HDAC4: variants seen among roughly 807,000 people sequenced by gnomAD.
HDAC4 encodes the protein histone deacetylase A.
Under a neutral mutation model 135.1 loss-of-function variants are expected in HDAC4, and 16 were observed. The observed-to-expected ratio is 0.12, with a 90% CI of 0.08 to 0.18. HDAC4 has a LOEUF of 0.18. HDAC4 is among the 10% of genes least tolerant of loss of function. The pLI, the probability that HDAC4 is intolerant of heterozygous loss-of-function variation, is 1.00. For synonymous variants in HDAC4, 685 were observed against 653.4 expected (o/e 1.05, Z -0.74); for missense variants, 1,143 against 1,511.8 (o/e 0.76, Z 4.05).
intron 2 of HDAC4, among the ~76,000 whole-genome samples, chr2:239,292,520 T>C (rs772100496): frequency 6.6e-5 from 10 of 152,178 alleles, no homozygotes; most frequent in South Asian, 4.1e-4. Context: ...AGTACCCCTG[T>C]GGGCATACTT....
At chr2:239,208,306 G>T in intron 3 of HDAC4, among the ~76,000 whole-genome samples, 1 of 123,900 alleles carries the variant, frequency 8.1e-6, no homozygotes, top group Middle Eastern at 6.9e-3. Context: ...CAGCCTGGGG[G>T]ACAGAGCGAG....
At chr2:239,229,483 ACT>A (rs1168629703) in intron 3 of HDAC4, among the ~76,000 whole-genome samples, 2 of 152,320 alleles carry the variant, frequency 1.3e-5, no homozygotes, top group East Asian at 1.9e-4. Flanking sequence ...AAAAGGCCAA[ACT>A]CTGTAAAATA....
At chr2:239,108,911 G>A (rs980357582) in intron 14 of HDAC4, among the ~76,000 whole-genome samples, 3 of 152,350 alleles carry the variant, frequency 2.0e-5, no homozygotes, top group African/African-American at 7.2e-5. Context: ...CAACTGGGCC[G>A]GCAGCCTGGG....
At chr2:239,354,060 C>T (rs1693334743) in intron 1 of HDAC4, among the ~76,000 whole-genome samples, 1 of 152,194 alleles carries the variant, frequency 6.6e-6, no homozygotes, top group Admixed American at 6.5e-5. Flanking sequence ...AAAAAGTCAT[C>T]CATGATGCCA....
chr2:239,323,677 G>C (rs936174631), intron 2 of HDAC4, among the ~76,000 whole-genome samples: 2 of 152,022 alleles, frequency 1.3e-5, no homozygotes, highest in African/African-American at 4.8e-5. Context: ...TGTGGACATG[G>C]GAGAGGTAAT....
intron 16 of HDAC4, among the ~76,000 whole-genome samples, chr2:239,100,930 C>G (rs2037557427): frequency 6.6e-6 from 1 of 152,164 alleles, no homozygotes; most frequent in Non-Finnish European, 1.5e-5. Flanking sequence ...AGAGCAGCAG[C>G]AGGCGAAGCC....
At chr2:239,160,638 G>A (rs1294402650) in intron 6 of HDAC4, among the ~76,000 whole-genome samples, 1 of 152,254 alleles carries the variant, frequency 6.6e-6, no homozygotes, top group Non-Finnish European at 1.5e-5. Context: ...GCAGGCGCCA[G>A]CGGTCCGTTC....
At chr2:239,316,199 TG>T (rs1249766456) in intron 2 of HDAC4, among the ~76,000 whole-genome samples, 3 of 152,156 alleles carry the variant, frequency 2.0e-5, no homozygotes, top group African/African-American at 4.8e-5. Context: ...CTGGCGGAAA[TG>T]CAAACTGATA....
At chr2:239,325,135 C>T (rs2053432669) in intron 2 of HDAC4, among the ~76,000 whole-genome samples, 1 of 152,254 alleles carries the variant, frequency 6.6e-6, no homozygotes, top group Admixed American at 6.5e-5. Flanking sequence ...AACCATAAAA[C>T]TCATAGAAGA....
intron 4 of HDAC4, among the ~76,000 whole-genome samples, chr2:239,183,719 C>T (rs1354222200): frequency 1.3e-5 from 2 of 152,172 alleles, no homozygotes; most frequent in African/African-American, 4.8e-5. Context: ...CCCCTGCCTC[C>T]CCACCGCACC....
chr2:239,098,031 G>A (rs1187755965), intron 16 of HDAC4, among the ~76,000 whole-genome samples: 6 of 152,254 alleles, frequency 3.9e-5, no homozygotes, highest in Admixed American at 6.5e-5. Context: ...GCAAGAGACT[G>A]AATCTCTTTG....
chr2:239,162,645 C>A lies in HDAC4; in HGVS notation c.611+1158G>T, dbSNP rs977686107. Among the ~76,000 whole-genome samples the A allele has an allele frequency of 2.0e-5, 3 of 152,168 alleles. 1 individual carries two copies. The highest frequency in any genetic ancestry group is 4.4e-5 in the Non-Finnish European group (3 of 67,988). On this transcript the variant is annotated intron_variant, in intron 6 of 26. Coordinates refer to ENST00000543185, the MANE Select transcript of HDAC4 (RefSeq NM_001378414.1). ...TGCTGCCTCCCATGGACGCCGGTCTCACTCCTCCTTGCAAGTTTGTGTGTC... is the reference window on the plus strand; with the variant it reads ...TGCTGCCTCCCATGGACGCCGGTCTAACTCCTCCTTGCAAGTTTGTGTGTC...
intron 2 of HDAC4, among the ~76,000 whole-genome samples, chr2:239,260,291 G>A (rs2049281562): frequency 6.6e-6 from 1 of 152,190 alleles, no homozygotes; most frequent in African/African-American, 2.4e-5. Context: ...ACCCAGACGT[G>A]CAATTCAAAC....
intron 2 of HDAC4, among the ~76,000 whole-genome samples, chr2:239,275,650 T>C (rs900067176): frequency 6.6e-6 from 1 of 152,000 alleles, no homozygotes; most frequent in African/African-American, 2.4e-5. Flanking sequence ...ACACCTGGGT[T>C]CGGTACTGCC....
intron 3 of HDAC4, among the ~76,000 whole-genome samples, chr2:239,235,803 G>A (rs983391961): frequency 4.6e-5 from 7 of 152,210 alleles, no homozygotes; most frequent in African/African-American, 1.7e-4. Flanking sequence ...ACTTTGGGAG[G>A]CCGAGGCAGG....
At chr2:239,332,612 G>A (rs992205404) in intron 2 of HDAC4, among the ~76,000 whole-genome samples, 17 of 151,334 alleles carry the variant, frequency 1.1e-4, no homozygotes, top group Admixed American at 3.3e-4. Context: ...TTTTAAGCAC[G>A]TGGATTACAG....
intron 2 of HDAC4, among the ~76,000 whole-genome samples, chr2:239,250,317 C>T (rs974249290): frequency 1.3e-5 from 2 of 152,234 alleles, no homozygotes; most frequent in African/African-American, 4.8e-5. Context: ...ACTGTGTCTT[C>T]AGTACCCGGT....
At position 239,350,521 on chromosome 2, in the gene HDAC4, T is replaced by C. The variant is rs1248357452; in HGVS notation, c.22+2157A>G. 2.0e-5 allele frequency among the ~76,000 whole-genome samples: 3 copies of C among 152,268 alleles called. No homozygotes were observed. The East Asian group carries it at 5.8e-4, about 29-fold the overall frequency. ...TATATAAATGAGAGAACTTTTTTTT[T>C]TGAGACGGAGTCTTGCTCTGTCGCC... On this transcript the variant is annotated intron_variant, in intron 2 of 26. Transcript: ENST00000543185.
intron 2 of HDAC4, among the ~76,000 whole-genome samples, chr2:239,266,269 C>T (rs972769010): frequency 1.3e-5 from 2 of 152,216 alleles, no homozygotes; most frequent in Admixed American, 1.3e-4. Flanking sequence ...GGGAAACGTG[C>T]CCCTGATTCT....
Sources: gnomAD v4.1 joint callset for allele counts (sites outside exome capture counted in the v4.1 genomes callset) on GRCh38, gnomAD v4.1.1 for gene constraint, MANE v1.5 for transcripts, NCBI Gene and HGNC (gene_info 2026-07-23, HGNC 2026-07-21) for gene names.